The following ZNF77 variants were observed in gnomAD, a reference collection of about 807,000 sequenced individuals.
ZNF77 encodes the protein zinc finger protein 77.
Under a neutral mutation model 13.5 loss-of-function variants are expected in ZNF77, and 15 were observed. That is an observed-to-expected ratio of 1.11 (90% confidence interval 0.74 to 1.71). The LOEUF is 1.71. Among genes scored for constraint, ZNF77 ranks in the 40% most tolerant of loss-of-function variants. ZNF77 has a pLI of 0.00. For synonymous variants in ZNF77, 282 were observed against 250.0 expected, an observed-to-expected ratio of 1.13 and a Z score of -1.21; for missense variants, 717 against 676.4, an observed-to-expected ratio of 1.06 and a Z score of -0.67.
In ZNF77 at chr19:2,933,424, G is replaced by T. The variant is rs926306205; in HGVS notation, c.*65C>A. On this transcript the variant is annotated 3_prime_UTR_variant, in exon 4 of 4. Coordinates refer to ENST00000314531, the MANE Select transcript of ZNF77 (RefSeq NM_021217.3). Reference sequence around the variant, plus strand: ...TTCCTACATGCTCTACATAAATAACGTTTCTCACATTTACAACAAGGTTTT... The same window carrying T: ...TTCCTACATGCTCTACATAAATAACTTTTCTCACATTTACAACAAGGTTTT... 3 of 1,491,696 alleles carry T rather than the reference G, an allele frequency of 2.0e-6. No homozygotes were observed. 92.4% of individuals were successfully genotyped at this position (1,491,696 alleles called of 1,614,324 possible).
At position 2,944,887 on chromosome 19, in the gene ZNF77, G is replaced by A. The variant is rs768740446; in HGVS notation, c.-47C>T. 678 of 1,521,678 alleles carry A rather than the reference G, an allele frequency of 4.5e-4. 5 individuals are homozygous for A. In the Middle Eastern group the frequency reaches 7.6e-3, roughly 17 times the overall value. The allele number at this position is 1,521,678 out of a possible 1,614,324, so 94.3% of individuals were successfully genotyped here. A position where few individuals can be genotyped will look rare whatever the true frequency, so the allele number is the denominator to read the frequency against. ...TCCAGGGTTAGCGCCCCGCGGTCCA[G>A]CGACCGGCGCAGGTGAGCACGACAG... is the stretch of plus-strand genomic sequence containing the variant. On this transcript the variant is annotated 5_prime_UTR_variant, in exon 1 of 4. Coordinates refer to ENST00000314531, the MANE Select transcript of ZNF77 (RefSeq NM_021217.3).
At chr19:2,937,054 T>G (rs2088404260) in intron 2 of ZNF77, among the ~76,000 whole-genome samples, 1 of 151,816 alleles carries the variant, frequency 6.6e-6, no homozygotes, top group South Asian at 2.1e-4. Flanking sequence ...CCAGGCGTGG[T>G]GTTGTGTGCC....
chr19:2,937,238 C>A (rs1341961623), intron 2 of ZNF77, among the ~76,000 whole-genome samples: 2 of 152,108 alleles, frequency 1.3e-5, no homozygotes, highest in African/African-American at 4.8e-5. Context: ...AATCCCTGCA[C>A]TTTGGGAGGC....
chr19:2,936,792 T>C (rs1209444736), intron 2 of ZNF77, 88 bp from the exon 3 acceptor site: 5 of 1,218,630 alleles, frequency 4.1e-6, no homozygotes, highest in Non-Finnish European at 4.6e-6. Context: ...CATATAGTAA[T>C]CCAAAAATGT....
chr19:2,935,471 C>A (rs1184878277), intron 3 of ZNF77, among the ~76,000 whole-genome samples: 2 of 149,340 alleles, frequency 1.3e-5, no homozygotes, highest in Non-Finnish European at 3.0e-5. Context: ...GCGTGCACCA[C>A]TACACCTGGC....
chr19:2,934,204 T>C lies in ZNF77; in HGVS notation c.923A>G (p.Tyr308Cys), dbSNP rs1356707463. 1.9e-6 allele frequency: 3 copies of C among 1,613,928 alleles called. No homozygotes were observed. Among genetic ancestry groups the C allele is most frequent in the Non-Finnish European group, 2.5e-6 (3 of 1,179,970 alleles). ...CCTCACGTGATCTCTAAAGGAGGAG[T>C]AACAGCTGAATGATTTTCCACAATG... ...CKHCGKSFSCYSSFRDHVRTH... is the reference protein window; with the variant it reads ...CKHCGKSFSCCSSFRDHVRTH... Residue 308 changes from tyrosine (Y) to cysteine (C), a missense_variant, in exon 4 of 4, where the codon TAC becomes TGC. Coordinates refer to ENST00000314531, the MANE Select transcript of ZNF77 (RefSeq NM_021217.3).
intron 1 of ZNF77, among the ~76,000 whole-genome samples, chr19:2,941,941 TGA>T (rs1328338571): frequency 4.6e-5 from 7 of 152,092 alleles, no homozygotes; most frequent in Non-Finnish European, 4.4e-5. Context: ...CTTCCGAGTT[TGA>T]GAGTTTTCCA....
chr19:2,943,692 A>ATTTTTTTTTTTTTTTTTTTT (rs10633206), intron 1 of ZNF77, among the ~76,000 whole-genome samples: 31 of 76,752 alleles, frequency 4.0e-4, no homozygotes, highest in Non-Finnish European at 4.8e-4. Flanking sequence ...TCTAGCCAGG[A>ATTTTTTTTTTTTTTTTTTTT]TTTTTTTTTT....
chr19:2,938,291 A>C (rs574791454), intron 2 of ZNF77, among the ~76,000 whole-genome samples: 3 of 152,244 alleles, frequency 2.0e-5, no homozygotes, highest in Admixed American at 6.5e-5. Context: ...CAACACTTTG[A>C]CTTCCCAGAC....
chr19:2,943,167 C>A (rs182397529), intron 1 of ZNF77, among the ~76,000 whole-genome samples: 2 of 151,928 alleles, frequency 1.3e-5, no homozygotes, highest in African/African-American at 4.8e-5. Flanking sequence ...GCATTAGTCC[C>A]GCAGCTCAAT....
At chr19:2,940,641 C>G (rs1231217765) in intron 1 of ZNF77, among the ~76,000 whole-genome samples, 1 of 149,168 alleles carries the variant, frequency 6.7e-6, no homozygotes, top group East Asian at 1.9e-4. Flanking sequence ...CCATTGCACT[C>G]CAGTCTAGCA....
At chr19:2,944,008 C>A (rs1288458564) in intron 1 of ZNF77, among the ~76,000 whole-genome samples, 1 of 151,978 alleles carries the variant, frequency 6.6e-6, no homozygotes, top group Non-Finnish European at 1.5e-5. Context: ...CCGCGCCCGG[C>A]CCAGGATTTT....
intron 1 of ZNF77, among the ~76,000 whole-genome samples, chr19:2,944,013 G>A (rs1238199876): frequency 6.6e-6 from 1 of 151,544 alleles, no homozygotes; most frequent in Non-Finnish European, 1.5e-5. Context: ...CCCGGCCCAG[G>A]ATTTTATTAT....
chr19:2,944,806 G>A, intron 1 of ZNF77, 32 bp downstream of exon 1: 1 of 1,511,468 alleles, frequency 6.6e-7, no homozygotes, highest in South Asian at 1.2e-5. Context: ...ACCTCGCCCT[G>A]GGCCCGGGCT....
At position 2,934,045 on chromosome 19, in the gene ZNF77, A is replaced by G. The variant is rs1325728615; in HGVS notation, c.1082T>C (p.Phe361Ser). 6.2e-7 allele frequency: 1 copy of G among 1,614,136 alleles called. No individual in the cohort carries two copies. Among genetic ancestry groups the G allele is most frequent in the East Asian group, 2.2e-5 (1 of 44,878 alleles). The change falls in exon 4 of 4, where the codon TTC becomes TCC. Residue 361 changes from phenylalanine (F) to serine (S), a missense_variant. Coordinates refer to ENST00000314531, the MANE Select transcript of ZNF77 (RefSeq NM_021217.3). Reference sequence around the variant, plus strand: ...TGCTCGCAGAGAGGAGGGGTACCTGAAGGCTTTGCCGCATTCCTTACATTC... The same window carrying G: ...TGCTCGCAGAGAGGAGGGGTACCTGGAGGCTTTGCCGCATTCCTTACATTC... ...PYECKECGKA[F>S]RYPSSLRAHM...
In ZNF77 at chr19:2,938,937, G is replaced by C. The variant is rs528207663; in HGVS notation, c.130+344C>G. ...TGCCACTGCACTCCAGCTTGGGCGA[G>C]AGAGCAAGACTCCGTCTCAAAAAAA... On this transcript the variant is annotated intron_variant, in intron 2 of 3. Coordinates refer to ENST00000314531, the MANE Select transcript of ZNF77 (RefSeq NM_021217.3). 2.7e-3 allele frequency among the ~76,000 whole-genome samples: 403 copies of C among 149,700 alleles called. 2 individuals carry two copies. The highest frequency in any genetic ancestry group is 6.3e-3 in the Admixed American group (94 of 14,938).
intron 2 of ZNF77, among the ~76,000 whole-genome samples, chr19:2,937,690 C>CCACACAGGG (rs1381582549): frequency 2.0e-5 from 3 of 152,040 alleles, no homozygotes; most frequent in Non-Finnish European, 4.4e-5. Flanking sequence ...GCAGGAGAAG[C>CCACACAGGG]CACACAGGGC....
rs560513523 is a variant in ZNF77 at position 2,939,043 on chromosome 19, G to C, written c.130+238C>G. Among the ~76,000 whole-genome samples the C allele has an allele frequency of 2.0e-4, 21 of 103,666 alleles. 1 individual carries two copies. The highest frequency in any genetic ancestry group is 2.7e-4 in the African/African-American group (9 of 33,318). The allele number at this position is 103,666 out of a possible 152,430, so 68.0% of individuals were successfully genotyped here. A position where few individuals can be genotyped will look rare whatever the true frequency, so the allele number is the denominator to read the frequency against. ...GAATGATGCCACCCTTACCCAAGGA[G>C]GCAGTGAGGGAATGACGCCATCCTT... is the stretch of plus-strand genomic sequence containing the variant. On this transcript the variant is annotated intron_variant, in intron 2 of 3. Transcript: ENST00000314531.
chr19:2,942,165 C>A (rs8107436), intron 1 of ZNF77, among the ~76,000 whole-genome samples: 2 of 151,090 alleles, frequency 1.3e-5, no homozygotes, highest in Non-Finnish European at 2.9e-5. Context: ...TCCGCCTCCC[C>A]GGTTCAAGCG....
Sources: allele counts gnomAD v4.1 joint callset (sites outside exome capture counted in the v4.1 genomes callset), GRCh38; gene constraint gnomAD v4.1.1; transcripts MANE v1.5; gene names NCBI Gene and HGNC (gene_info 2026-07-23, HGNC 2026-07-21).